The following ATP9A variants were observed in gnomAD, a reference collection of about 807,000 sequenced individuals.
The protein encoded by ATP9A is ATPase phospholipid transporting 9A, also known as probable phospholipid-transporting ATPase IIA.
A neutral mutation model predicts 144.1 loss-of-function variants in ATP9A; 52 were observed. The ratio of observed to expected loss-of-function variants is 0.36; its 90% confidence interval spans 0.29 to 0.45. The LOEUF is 0.45. ATP9A is among the 20% of genes least tolerant of loss of function. ATP9A has a pLI of 1.00. For missense variants in ATP9A, 947 were observed against 1,392.7 expected (o/e 0.68, Z 5.09); for synonymous variants, 582 against 557.4 (o/e 1.04, Z -0.62).
At chr20:51,720,818 A>G (rs1249189587) in intron 3 of ATP9A, among the ~76,000 whole-genome samples, 1 of 152,206 alleles carries the variant, frequency 6.6e-6, no homozygotes, top group Non-Finnish European at 1.5e-5. Flanking sequence ...TAGGCGACAC[A>G]GCGAGACTCT....
chr20:51,603,222 C>T (rs1281552409), intron 27 of ATP9A, among the ~76,000 whole-genome samples: 1 of 152,174 alleles, frequency 6.6e-6, no homozygotes, highest in Non-Finnish European at 1.5e-5. Context: ...TTGAATAACA[C>T]AGACAGAAAA....
At chr20:51,763,747 C>A (rs1383256837) in intron 1 of ATP9A, among the ~76,000 whole-genome samples, 1 of 152,084 alleles carries the variant, frequency 6.6e-6, no homozygotes, top group African/African-American at 2.4e-5. Context: ...TCCTAGTCCC[C>A]CAAATCCAAA....
At chr20:51,680,778 T>C (rs749604972) in intron 9 of ATP9A, among the ~76,000 whole-genome samples, 6 of 152,098 alleles carry the variant, frequency 3.9e-5, no homozygotes, top group Non-Finnish European at 8.8e-5. Context: ...GGGTTTACAT[T>C]AGAATCAGAG....
chr20:51,715,843 A>AG (rs1243855756), intron 3 of ATP9A, among the ~76,000 whole-genome samples: 14 of 152,124 alleles, frequency 9.2e-5, no homozygotes, highest in African/African-American at 2.9e-4. Context: ...GGGCAGGGGA[A>AG]GGGGGGCTGT....
chr20:51,748,686 A>C (rs1479789605), intron 1 of ATP9A, among the ~76,000 whole-genome samples: 1 of 152,154 alleles, frequency 6.6e-6, no homozygotes, highest in African/African-American at 2.4e-5. Context: ...CAAAATTACA[A>C]ATGTACCTTC....
intron 1 of ATP9A, among the ~76,000 whole-genome samples, chr20:51,736,151 G>A (rs560656777): frequency 1.3e-4 from 20 of 152,358 alleles, no homozygotes; most frequent in African/African-American, 4.3e-4. Flanking sequence ...GCAAAGATCC[G>A]GAGGTGGGAG....
intron 13 of ATP9A, 51 bp from the exon 14 acceptor site, chr20:51,657,201 TGG>T (rs1353897380): frequency 6.6e-7 from 1 of 1,505,408 alleles, no homozygotes; most frequent in African/African-American, 1.4e-5. Flanking sequence ...AGGAATGATT[TGG>T]AGAGTGGAAG....
intron 3 of ATP9A, among the ~76,000 whole-genome samples, chr20:51,717,603 C>A (rs1479309998): frequency 3.3e-5 from 5 of 151,396 alleles, no homozygotes; most frequent in African/African-American, 1.2e-4. Flanking sequence ...ACAGGCCAGT[C>A]AGGAGACAGC....
chr20:51,734,023 A>G (rs2077753198), intron 1 of ATP9A, among the ~76,000 whole-genome samples: 1 of 151,772 alleles, frequency 6.6e-6, no homozygotes, highest in Non-Finnish European at 1.5e-5. Flanking sequence ...GTCGCCCAGG[A>G]TGGAGTGTAG....
In ATP9A at chr20:51,696,127, G is replaced by A. The variant is rs566080700; in HGVS notation, c.513C>T (p.Ala171=). The A allele has an allele frequency of 3.7e-5, 59 of 1,613,780 alleles. No homozygotes were observed. In the Middle Eastern group the frequency reaches 6.6e-4, roughly 18 times the overall value. Residue 171 remains alanine (A), a synonymous_variant, in exon 6 of 28, where the codon GCC becomes GCT. Coordinates refer to ENST00000338821, the MANE Select transcript of ATP9A (RefSeq NM_006045.3). The stretch of plus-strand genomic sequence containing the variant: ...CTGATGTCCTCAGGAAGATCATGTC[G>A]GCAGGGACCCGCTGGTTCTGTGTTA... The part of the protein sequence containing the change: ...IIVEKNQRVP[A]DMIFLRTSEK...
At chr20:51,638,071 T>TATATA (rs58144454) in intron 15 of ATP9A, among the ~76,000 whole-genome samples, 348 of 34,156 alleles carry the variant, frequency 0.01, 56 homozygotes, top group East Asian at 0.017. Context: ...TTTCATCATT[T>TATATA]TATATATATA....
chr20:51,708,821 A>G lies in ATP9A; in HGVS notation c.436+4145T>C, dbSNP rs2077625513. ...AAATGGAGGGACAGGATACAAAGTA[A>G]CTGCCTTGAAACTGGCCTGTCCTCT... On this transcript the variant is annotated intron_variant, in intron 4 of 27. Coordinates refer to ENST00000338821, the MANE Select transcript of ATP9A (RefSeq NM_006045.3). 2.6e-5 allele frequency among the ~76,000 whole-genome samples: 4 copies of G among 152,200 alleles called. No homozygotes were observed. The South Asian group carries it at 8.3e-4, about 32-fold the overall frequency.
At chr20:51,701,049 T>C (rs73269722) in intron 4 of ATP9A, among the ~76,000 whole-genome samples, 7,221 of 152,268 alleles carry the variant, frequency 0.047, 368 homozygotes, top group African/African-American at 0.13. Flanking sequence ...AATGAACTTT[T>C]CCTTCACCTG....
chr20:51,742,267 G>A (rs1298943355), intron 1 of ATP9A, among the ~76,000 whole-genome samples: 2 of 150,948 alleles, frequency 1.3e-5, no homozygotes, highest in Non-Finnish European at 2.9e-5. Context: ...CGAGGCTGCA[G>A]TGAGCCCTGA....
At chr20:51,655,311 C>T (rs905359510) in intron 14 of ATP9A, among the ~76,000 whole-genome samples, 6 of 152,028 alleles carry the variant, frequency 3.9e-5, no homozygotes, top group African/African-American at 9.7e-5. Context: ...GAAAGGTGGC[C>T]GGGCGCTGTG....
Position 51,681,340 on chromosome 20 carries a change from G to A in ATP9A, c.800-5132C>T, listed in dbSNP as rs184113344. Among the ~76,000 whole-genome samples the A allele has an allele frequency of 1.1e-4, 17 of 152,090 alleles. No individual in the cohort carries two copies. In the East Asian group the frequency reaches 2.3e-3, roughly 21 times the overall value. On this transcript the variant is annotated intron_variant, in intron 9 of 27. Coordinates refer to ENST00000338821, the MANE Select transcript of ATP9A (RefSeq NM_006045.3). ...CACCTCAGATTTCTCTGCATTTGCA[G>A]CTCAGCTCAACTGTTTTCCTTTTTA...
Position 51,729,826 on chromosome 20 carries a change from G to C in ATP9A, c.213+8C>G, listed in dbSNP as rs753158601. 1.9e-6 allele frequency: 3 copies of C among 1,573,778 alleles called. No individual in the cohort carries two copies. In the South Asian group the frequency reaches 3.6e-5, roughly 19 times the overall value. ...AAAGAAAAGAGCACGGTCCCTGCCT[G>C]CACGTACCCCAGGAAGAAAGGTGAA... On this transcript the variant is annotated splice_region_variant and intron_variant, in intron 2 of 27. Transcript: ENST00000338821.
intron 19 of ATP9A, among the ~76,000 whole-genome samples, chr20:51,619,575 A>AG (rs1568788066): frequency 1.1e-4 from 13 of 116,538 alleles, no homozygotes; most frequent in Non-Finnish European, 1.3e-4. Flanking sequence ...AAAAAAAAAA[A>AG]AGGGGGGGGG....
At position 51,604,852 on chromosome 20, in the gene ATP9A, T is replaced by C; in HGVS notation, c.2972A>G (p.Tyr991Cys). 1 of 1,556,662 alleles carries C rather than the reference T, an allele frequency of 6.4e-7. No individual in the cohort carries two copies. Among genetic ancestry groups the C allele is most frequent in the African/African-American group, 1.4e-5 (1 of 72,428 alleles). ...GTGTAAGAACACCAGGGAGGCGATG[T>C]AGCAGGCCAGGCTGAGCAGCTCCGC... is the stretch of plus-strand genomic sequence containing the variant. ...TVAELLSLAC[Y>C]IASLVFLHEF... Residue 991 changes from tyrosine (Y) to cysteine (C), a missense_variant, in exon 27 of 28, where the codon TAC becomes TGC. Tyr to Cys is a radical substitution (Grantham distance 194). Transcript: ENST00000338821.
Sources: allele counts gnomAD v4.1 joint callset (sites outside exome capture counted in the v4.1 genomes callset), GRCh38; gene constraint gnomAD v4.1.1; transcripts MANE v1.5; gene names NCBI Gene and HGNC (gene_info 2026-07-23, HGNC 2026-07-21).